PTPRN2: variants seen among roughly 807,000 people sequenced by gnomAD.
PTPRN2 encodes protein tyrosine phosphatase receptor type N2.
PTPRN2 carries 74 observed loss-of-function variants against 118.8 expected under a neutral mutation model. That is an observed-to-expected ratio of 0.62 (90% confidence interval 0.52 to 0.76). The LOEUF (loss-of-function observed/expected upper bound fraction) is 0.76. Among genes scored for constraint, PTPRN2 ranks in the 30% least tolerant of loss-of-function variants. The pLI is 0.00. For missense variants in PTPRN2, 1,481 were observed against 1,394.4 expected, an observed-to-expected ratio of 1.06 and a Z score of -0.99; for synonymous variants, 641 against 608.0, an observed-to-expected ratio of 1.05 and a Z score of -0.80.
intron 12 of PTPRN2, among the ~76,000 whole-genome samples, chr7:157,834,112 T>C (rs936217697): frequency 2.1e-4 from 31 of 150,906 alleles, no homozygotes; most frequent in Non-Finnish European, 4.3e-4. Context: ...CACCAATCAG[T>C]GAGCCAGCAG....
intron 2 of PTPRN2, among the ~76,000 whole-genome samples, chr7:158,372,307 A>ATG (rs1563213098): frequency 1.1e-5 from 1 of 92,506 alleles, no homozygotes; most frequent in African/African-American, 4.7e-5. Flanking sequence ...TGGTCCCCCC[A>ATG]ACGCTGGTCC....
At chr7:158,197,224 A>C (rs1272557180) in intron 4 of PTPRN2, among the ~76,000 whole-genome samples, 1 of 152,190 alleles carries the variant, frequency 6.6e-6, no homozygotes, top group East Asian at 1.9e-4. Flanking sequence ...TAGAACATAC[A>C]CTTTGCTAAG....
intron 12 of PTPRN2, among the ~76,000 whole-genome samples, chr7:157,837,572 C>A (rs1302330384): frequency 6.6e-6 from 1 of 151,920 alleles, no homozygotes; most frequent in African/African-American, 2.4e-5. Context: ...CCCAGGAACA[C>A]CCTGGGCTTG....
intron 14 of PTPRN2, among the ~76,000 whole-genome samples, chr7:157,652,741 C>A (rs999667417): frequency 6.6e-6 from 1 of 152,230 alleles, no homozygotes; most frequent in African/African-American, 2.4e-5. Context: ...CCATGGATCC[C>A]CCCATCGGGG....
Position 158,089,765 on chromosome 7 carries a change from T to C in PTPRN2, c.1644-8388A>G, listed in dbSNP as rs199731365. Among the ~76,000 whole-genome samples the C allele has an allele frequency of 7.2e-4, 54 of 74,910 alleles. 1 individual carries two copies. In the South Asian group the frequency reaches 0.013, roughly 17 times the overall value. 49.1% of individuals were successfully genotyped at this position (74,910 alleles called of 152,430 possible). Reference sequence around the variant, plus strand: ...CTTCACACAAACCTTCTTCCCCTGATGAAAAGGGGAATGTTCACACAAATC... The same window carrying C: ...CTTCACACAAACCTTCTTCCCCTGACGAAAAGGGGAATGTTCACACAAATC... On this transcript the variant is annotated intron_variant, in intron 10 of 22. Transcript: ENST00000389418.
At chr7:158,261,420 G>A (rs1312370053) in intron 3 of PTPRN2, among the ~76,000 whole-genome samples, 1 of 152,114 alleles carries the variant, frequency 6.6e-6, no homozygotes, top group Non-Finnish European at 1.5e-5. Flanking sequence ...TCCTGGCAGG[G>A]ACCCAGCCCA....
chr7:158,559,505 A>G (rs1281342534), intron 1 of PTPRN2, among the ~76,000 whole-genome samples: 1 of 152,080 alleles, frequency 6.6e-6, no homozygotes, highest in Non-Finnish European at 1.5e-5. Context: ...CAATGCAAAT[A>G]ACGACTGTCC....
At chr7:158,218,072 T>C (rs1297949027) in intron 3 of PTPRN2, among the ~76,000 whole-genome samples, 2 of 152,148 alleles carry the variant, frequency 1.3e-5, no homozygotes, top group African/African-American at 4.8e-5. Flanking sequence ...GTTGACATGA[T>C]ATTCAAGGAA....
chr7:158,171,498 G>A (rs949171116), intron 5 of PTPRN2, among the ~76,000 whole-genome samples: 13 of 151,416 alleles, frequency 8.6e-5, no homozygotes, highest in Admixed American at 2.6e-4. Flanking sequence ...ACAGGCACGC[G>A]CCACCAGGCC....
chr7:158,063,754 ACACT>A (rs1436793802), intron 11 of PTPRN2, among the ~76,000 whole-genome samples: 1 of 152,200 alleles, frequency 6.6e-6, no homozygotes, highest in African/African-American at 2.4e-5. Context: ...AAGAACTGTA[ACACT>A]CACTGCAAGG....
At chr7:158,305,066 G>T (rs1801182874) in intron 3 of PTPRN2, among the ~76,000 whole-genome samples, 1 of 152,196 alleles carries the variant, frequency 6.6e-6, no homozygotes, top group Non-Finnish European at 1.5e-5. Context: ...TCACGCCTCT[G>T]TTCCAATGTT....
intron 2 of PTPRN2, among the ~76,000 whole-genome samples, chr7:158,396,656 G>A (rs960512237): frequency 2.0e-5 from 3 of 151,162 alleles, no homozygotes; most frequent in African/African-American, 4.9e-5. Flanking sequence ...TCACAGGGTA[G>A]GCTTGTGTGT....
intron 14 of PTPRN2, among the ~76,000 whole-genome samples, chr7:157,639,046 T>C (rs1804511230): frequency 6.6e-6 from 1 of 151,592 alleles, no homozygotes; most frequent in African/African-American, 2.4e-5. Flanking sequence ...TTTCTTTCTT[T>C]TTTTTTTTTT....
intron 6 of PTPRN2, among the ~76,000 whole-genome samples, chr7:158,151,481 TCTCC>T (rs1821125925): frequency 1.7e-4 from 2 of 12,044 alleles, no homozygotes; most frequent in African/African-American, 6.8e-4. Flanking sequence ...TATTCCTGCC[TCTCC>T]CTGCCCACAC....
At chr7:157,661,043 T>C (rs1170769841) in intron 13 of PTPRN2, among the ~76,000 whole-genome samples, 1 of 152,240 alleles carries the variant, frequency 6.6e-6, no homozygotes, top group Non-Finnish European at 1.5e-5. Flanking sequence ...CGTGAGCCAC[T>C]GCACCGGGCC....
rs73731223 is a variant in PTPRN2, at chr7:158,411,974, G to A, written c.163+77761C>T. Among the ~76,000 whole-genome samples the A allele has an allele frequency of 5.5e-3, 824 of 151,108 alleles. 13 individuals carry two copies. The highest frequency in any genetic ancestry group is 0.018 in the African/African-American group (743 of 41,000). ...ATCGCAGCACCCTCATCAGCTCCAG[G>A]GCCCATCACAGCACCCTCCTCAGCT... On this transcript the variant is annotated intron_variant, in intron 2 of 22. Transcript: ENST00000389418.
At position 158,175,733 on chromosome 7, in the gene PTPRN2, T is replaced by C. The variant is rs1246974388; in HGVS notation, c.550-8442A>G. Among the ~76,000 whole-genome samples, 3 of 152,194 alleles carry C rather than the reference T, an allele frequency of 2.0e-5. No individual in the cohort carries two copies. In the East Asian group the frequency reaches 5.8e-4, roughly 29 times the overall value. ...TAAGACCCCAAACAGTTTTCAGAGT[T>C]CACAAAATCTATGAGGTTGAAGAGG... On this transcript the variant is annotated intron_variant, in intron 5 of 22. Coordinates refer to ENST00000389418, the MANE Select transcript of PTPRN2 (RefSeq NM_002847.5).
intron 11 of PTPRN2, among the ~76,000 whole-genome samples, chr7:157,980,526 G>T (rs559667267): frequency 1.4e-4 from 21 of 152,288 alleles, no homozygotes; most frequent in African/African-American, 5.1e-4. Context: ...CCGAGGTGGG[G>T]AGTCACTTGA....
chr7:158,453,415 C>G (rs1276737873), intron 2 of PTPRN2, among the ~76,000 whole-genome samples: 1 of 129,250 alleles, frequency 7.7e-6, no homozygotes, highest in African/African-American at 2.9e-5. Context: ...GTGCAGGGGG[C>G]ACCACAGGGT....
Sources: allele counts gnomAD v4.1 joint callset (sites outside exome capture counted in the v4.1 genomes callset), GRCh38; gene constraint gnomAD v4.1.1; transcripts MANE v1.5; gene names NCBI Gene and HGNC (gene_info 2026-07-23, HGNC 2026-07-21).